NRG3: variants seen among roughly 807,000 people sequenced by gnomAD.
NRG3 encodes neuregulin 3, also known as pro-neuregulin-3, membrane-bound isoform.
Under a neutral mutation model 66.9 loss-of-function variants are expected in NRG3, and 31 were observed. The observed-to-expected ratio is 0.46, with a 90% CI of 0.35 to 0.63. NRG3 has a LOEUF of 0.63. NRG3 is among the 20% of genes least tolerant of loss of function. The probability of loss-of-function intolerance (pLI) is 0.00; values close to 1 mark genes in which losing one functional copy is unlikely to be tolerated. For missense variants in NRG3, 910 were observed against 878.9 expected (o/e 1.04, Z -0.45); for synonymous variants, 393 against 359.4 (o/e 1.09, Z -1.06).
At chr10:82,423,607 A>T (rs2089225635) in intron 2 of NRG3, among the ~76,000 whole-genome samples, 1 of 152,118 alleles carries the variant, frequency 6.6e-6, no homozygotes, top group South Asian at 2.1e-4. Context: ...TGAAAGTTTC[A>T]TGAAATTATG....
intron 3 of NRG3, among the ~76,000 whole-genome samples, chr10:82,821,795 A>G (rs1410082815): frequency 6.6e-6 from 1 of 152,206 alleles, no homozygotes; most frequent in Non-Finnish European, 1.5e-5. Flanking sequence ...ACTTACACTC[A>G]TCACTACTCT....
intron 2 of NRG3, among the ~76,000 whole-genome samples, chr10:82,501,439 A>G (rs1447551316): frequency 6.6e-6 from 1 of 152,140 alleles, no homozygotes; most frequent in Non-Finnish European, 1.5e-5. Context: ...AAAAGTCAAC[A>G]TACTTTCAAG....
At chr10:82,278,833 G>A (rs746299217) in intron 1 of NRG3, among the ~76,000 whole-genome samples, 7 of 152,122 alleles carry the variant, frequency 4.6e-5, no homozygotes, top group African/African-American at 1.2e-4. Context: ...ACCTCCTCAC[G>A]GAGCTCTCTT....
chr10:82,583,270 C>T (rs1338445380), intron 2 of NRG3, among the ~76,000 whole-genome samples: 2 of 142,924 alleles, frequency 1.4e-5, no homozygotes, highest in African/African-American at 5.0e-5. Flanking sequence ...TGAGAACATT[C>T]TCCTTTAGCT....
chr10:82,640,159 G>A (rs2050472520), intron 2 of NRG3, among the ~76,000 whole-genome samples: 1 of 152,122 alleles, frequency 6.6e-6, no homozygotes, highest in South Asian at 2.1e-4. Context: ...CCATTACTGG[G>A]TATATACCCA....
intron 2 of NRG3, among the ~76,000 whole-genome samples, chr10:82,541,827 C>T (rs1307597554): frequency 2.0e-5 from 3 of 152,112 alleles, no homozygotes; most frequent in Admixed American, 6.5e-5. Flanking sequence ...TGCAGTCCAC[C>T]GATACCAGTA....
At position 81,875,998 on chromosome 10, in the gene NRG3, G is replaced by T; in HGVS notation, c.658G>T (p.Ala220Ser). The change falls in exon 1 of 9, where the codon GCA (alanine) becomes TCA (serine). Residue 220 changes from alanine (A) to serine (S), a missense_variant. Physicochemically the swap from Ala to Ser is moderately conservative, Grantham distance 99 (BLOSUM62 1). Transcript: ENST00000372141. This position sits in a 1 kb window ranked among gnomAD's most constrained non-coding sequence, Gnocchi z 5.3. The part of the protein sequence containing the change: ...PPVPGTPSTQ[A>S]MPSWPTAAYA... ...GGTGCCAGGAACTCCAAGTACCCAG[G>T]CAATGCCCTCCTGGCCTACTGCGGC... 3.7e-6 allele frequency: 6 copies of T among 1,614,016 alleles called. No homozygotes were observed. The highest frequency in any genetic ancestry group is 5.1e-6 in the Non-Finnish European group (6 of 1,180,012).
intron 1 of NRG3, among the ~76,000 whole-genome samples, chr10:81,945,598 A>T (rs1848776382): frequency 6.6e-6 from 1 of 152,170 alleles, no homozygotes; most frequent in Non-Finnish European, 1.5e-5. Context: ...AGTAGAGTTA[A>T]CTATAAGGCC....
intron 1 of NRG3, among the ~76,000 whole-genome samples, chr10:82,098,307 TAG>T (rs2066497760): frequency 6.6e-6 from 1 of 151,064 alleles, no homozygotes; most frequent in African/African-American, 2.4e-5. Flanking sequence ...GTCATATATA[TAG>T]ATATAGATGT....
chr10:82,504,371 AT>A (rs374964212), intron 2 of NRG3, among the ~76,000 whole-genome samples: 1 of 151,984 alleles, frequency 6.6e-6, no homozygotes, highest in Admixed American at 6.6e-5. Flanking sequence ...TCAGCATAGC[AT>A]TTTTTTTCCT....
At chr10:82,029,773 T>C (rs2062478146) in intron 1 of NRG3, among the ~76,000 whole-genome samples, 1 of 152,120 alleles carries the variant, frequency 6.6e-6, no homozygotes, top group Admixed American at 6.6e-5. Context: ...TGGTAACCTT[T>C]ACCTAAACTC....
At chr10:82,617,249 C>CACACAT (rs1261207618) in intron 2 of NRG3, among the ~76,000 whole-genome samples, 2 of 149,472 alleles carry the variant, frequency 1.3e-5, no homozygotes, top group East Asian at 4.0e-4. Context: ...ACCACACAGA[C>CACACAT]ACACATACAC....
chr10:82,816,734 C>A (rs1026617184), intron 3 of NRG3, among the ~76,000 whole-genome samples: 11 of 152,196 alleles, frequency 7.2e-5, no homozygotes, highest in African/African-American at 2.4e-4. Context: ...CTGAGCCACC[C>A]TCAGCAGCCC....
intron 1 of NRG3, among the ~76,000 whole-genome samples, chr10:82,181,371 TTTC>T (rs2073406237): frequency 1.3e-5 from 2 of 151,910 alleles, no homozygotes; most frequent in Middle Eastern, 3.4e-3. Context: ...TTTTAAGATC[TTTC>T]TTCTTTTTTA....
chr10:82,247,884 C>T (rs145762824), intron 1 of NRG3, among the ~76,000 whole-genome samples: 2 of 152,200 alleles, frequency 1.3e-5, no homozygotes, highest in East Asian at 3.9e-4. Flanking sequence ...GATTTTCATT[C>T]TACCTAACTT....
chr10:82,293,868 A>G (rs2079886637), intron 1 of NRG3, among the ~76,000 whole-genome samples: 2 of 152,014 alleles, frequency 1.3e-5, no homozygotes. Flanking sequence ...AAAGACTTCT[A>G]TTTCTGGAAT....
chr10:81,896,810 G>A (rs1589383554), intron 1 of NRG3, among the ~76,000 whole-genome samples: 3 of 152,016 alleles, frequency 2.0e-5, no homozygotes, highest in African/African-American at 4.8e-5. Flanking sequence ...TCCTTCATTC[G>A]TCAACTATTT....
chr10:82,005,107 G>T (rs1018335418), intron 1 of NRG3, among the ~76,000 whole-genome samples: 9 of 152,210 alleles, frequency 5.9e-5, no homozygotes, highest in Non-Finnish European at 7.3e-5. Context: ...CTGACCGAAG[G>T]TCAGGGATCA....
chr10:82,526,481 G>A (rs1846709455), intron 2 of NRG3, among the ~76,000 whole-genome samples: 3 of 151,696 alleles, frequency 2.0e-5, no homozygotes, highest in Admixed American at 2.0e-4. Context: ...CTGTTTATAA[G>A]ATATATGTGT....
Sources: gnomAD v4.1 joint callset for allele counts (sites outside exome capture counted in the v4.1 genomes callset) on GRCh38, gnomAD v4.1.1 for gene constraint, Gnocchi (gnomAD v3.1) non-coding constraint, MANE v1.5 for transcripts, NCBI Gene and HGNC (gene_info 2026-07-23, HGNC 2026-07-21) for gene names.